ZFHX4: variants seen among roughly 807,000 people sequenced by gnomAD.
The protein encoded by ZFHX4 is zinc finger homeobox protein 4.
In ZFHX4, 56 loss-of-function variants were observed where a neutral mutation model predicts 267.6. The observed-to-expected ratio is 0.21, with a 90% CI of 0.17 to 0.26. The LOEUF (loss-of-function observed/expected upper bound fraction) is 0.26, where lower values mean the gene tolerates loss of function less well. ZFHX4 is among the 10% of genes least tolerant of loss of function. The pLI, the probability that ZFHX4 is intolerant of heterozygous loss-of-function variation, is 1.00. For missense variants in ZFHX4, 4,332 were observed against 4,420.0 expected (o/e 0.98, Z 0.56); for synonymous variants, 1,778 against 1,665.6 (o/e 1.07, Z -1.64).
At chr8:76,858,331 T>C (rs1225387465) in intron 10 of ZFHX4, among the ~76,000 whole-genome samples, 4 of 152,208 alleles carry the variant, frequency 2.6e-5, no homozygotes, top group African/African-American at 9.6e-5. Context: ...TGAGAAGATG[T>C]TGGAGGCAGT....
rs751430163 is a variant in ZFHX4 at position 76,855,067 on chromosome 8, T to C, written c.8146T>C (p.Ser2716Pro). 2 of 1,613,760 alleles carry C rather than the reference T, an allele frequency of 1.2e-6. No individual in the cohort carries two copies. Among genetic ancestry groups the C allele is most frequent in the Non-Finnish European group, 8.5e-7 (1 of 1,179,874 alleles). ...GYSLPPSPLISTEDGGESPQK... is the reference protein window; with the variant it reads ...GYSLPPSPLIPTEDGGESPQK... ...CAGCTTGCCACCAAGCCCTTTAATA[T>C]CCACCGAAGATGGGGGAGAAAGCCC... The change falls in exon 10 of 11, where the codon TCC becomes CCC. Residue 2716 changes from serine (S) to proline (P), a missense_variant. Coordinates refer to ENST00000651372, the MANE Select transcript of ZFHX4 (RefSeq NM_024721.5).
intron 4 of ZFHX4, among the ~76,000 whole-genome samples, chr8:76,827,159 G>A (rs1811807658): frequency 6.6e-6 from 1 of 152,238 alleles, no homozygotes; most frequent in Admixed American, 6.5e-5. Flanking sequence ...GGAGTGGTCA[G>A]GTGTAGATGG....
At position 76,706,192 on chromosome 8, in the gene ZFHX4, G is replaced by C. The variant is rs561714758; in HGVS notation, c.2104G>C (p.Glu702Gln). The change falls in exon 2 of 11, where the codon GAG (glutamate) becomes CAG (glutamine). Residue 702 changes from glutamate (E) to glutamine (Q), a missense_variant. Physicochemically the swap from Glu to Gln is conservative, Grantham distance 29. Around this residue, in one of 7 missense-constraint regions of ZFHX4, gnomAD observed 1,195 missense variants for 1,173.6 expected, o/e 1.02. Transcript: ENST00000651372. The stretch of plus-strand genomic sequence containing the variant: ...GTGTGGCTATAAACCCTTCCGTTGT[G>C]AGGTTTGTAACTACTCTACCACTAC... ...YTCGYKPFRC[E>Q]VCNYSTTTKG... 2.5e-6 allele frequency: 4 copies of C among 1,614,060 alleles called. No homozygotes were observed. The African/African-American group carries it at 4.0e-5, about 16-fold the overall frequency.
chr8:76,812,555 A>G (rs1181210485), intron 4 of ZFHX4, among the ~76,000 whole-genome samples: 1 of 152,226 alleles, frequency 6.6e-6, no homozygotes, highest in Non-Finnish European at 1.5e-5. Context: ...TATTAAGCCA[A>G]ATTTAAGAAA....
intron 4 of ZFHX4, among the ~76,000 whole-genome samples, chr8:76,813,701 G>A (rs1431837971): frequency 6.6e-6 from 1 of 152,064 alleles, no homozygotes; most frequent in African/African-American, 2.4e-5. Context: ...AACAATGGAT[G>A]TTCTCCTGGT....
Position 76,864,209 on chromosome 8 carries a change from C to T in ZFHX4, c.10495C>T (p.Pro3499Ser). 6.2e-7 allele frequency: 1 copy of T among 1,613,928 alleles called. No homozygotes were observed. Among genetic ancestry groups the T allele is most frequent in the Non-Finnish European group, 8.5e-7 (1 of 1,179,844 alleles). The stretch of plus-strand genomic sequence containing the variant: ...ACCTCACTCAGTCTGCTCCCCTAAT[C>T]CTAACACCACATCTACCTCGCAGTC... Reference protein sequence around the residue: ...LLPHSVCSPNPNTTSTSQSAA... With the variant: ...LLPHSVCSPNSNTTSTSQSAA... Residue 3499 changes from proline (P) to serine (S), a missense_variant, in exon 11 of 11, where the codon CCT (proline) becomes TCT (serine). Transcript: ENST00000651372.
intron 1 of ZFHX4, chr8:76,682,676 C>T (rs1425709720): frequency 2.6e-5 from 4 of 153,010 alleles, no homozygotes; most frequent in Admixed American, 2.0e-4. Flanking sequence ...GGGGTGTGTG[C>T]GTGTGCGTGT....
chr8:76,828,706 G>A (rs984202630), intron 4 of ZFHX4, among the ~76,000 whole-genome samples: 3 of 152,178 alleles, frequency 2.0e-5, no homozygotes, highest in Non-Finnish European at 4.4e-5. Flanking sequence ...TAGAGGGGTT[G>A]TGGTGTGAAG....
Position 76,850,367 on chromosome 8 carries a change from G to A in ZFHX4, c.3964+5G>A, listed in dbSNP as rs1446159475. 2 of 1,603,092 alleles carry A rather than the reference G, an allele frequency of 1.2e-6. No individual in the cohort carries two copies. Among genetic ancestry groups the A allele is most frequent in the East Asian group, 2.2e-5 (1 of 44,554 alleles). The stretch of plus-strand genomic sequence containing the variant: ...AGGGGTCTGGGAAATATTCAGGTAT[G>A]CCATCTTATCATCAAGACTTGTGAA... On this transcript the variant is annotated splice_donor_5th_base_variant and intron_variant, in intron 9 of 10. Transcript: ENST00000651372.
At chr8:76,845,593 A>T (rs1563554649) in intron 6 of ZFHX4, among the ~76,000 whole-genome samples, 1 of 152,024 alleles carries the variant, frequency 6.6e-6, no homozygotes, top group Non-Finnish European at 1.5e-5. Context: ...TATTAAATAC[A>T]TTGACTCATT....
chr8:76,791,922 C>T (rs1810848925), intron 4 of ZFHX4, among the ~76,000 whole-genome samples: 1 of 152,074 alleles, frequency 6.6e-6, no homozygotes, highest in African/African-American at 2.4e-5. Context: ...CATGAATATG[C>T]ATCATGATTT....
At chr8:76,717,963 C>A (rs762415791) in intron 3 of ZFHX4, among the ~76,000 whole-genome samples, 1 of 152,122 alleles carries the variant, frequency 6.6e-6, no homozygotes, top group Non-Finnish European at 1.5e-5. Flanking sequence ...TCTAACTATT[C>A]GTTTGGCAGG....
rs865892543 is a variant in ZFHX4, at chr8:76,850,198, T to C, written c.3847-47T>C. 1.3e-5 allele frequency: 18 copies of C among 1,417,724 alleles called. 1 individual carries two copies. In the Middle Eastern group the frequency reaches 1.9e-3, roughly 153 times the overall value. 87.8% of individuals were successfully genotyped at this position (1,417,724 alleles called of 1,614,324 possible). ...AGCAAAAGAGAGATGTGATGGAATT[T>C]GTGATTTCTGGGGTACATTTAACAT... On this transcript the variant is annotated intron_variant, in intron 8 of 10. Coordinates refer to ENST00000651372, the MANE Select transcript of ZFHX4 (RefSeq NM_024721.5).
intron 5 of ZFHX4, among the ~76,000 whole-genome samples, chr8:76,838,572 A>G (rs912210834): frequency 3.9e-5 from 6 of 152,160 alleles, no homozygotes; most frequent in South Asian, 2.1e-4. Flanking sequence ...ATCATGGAGG[A>G]GTCTAGGAAA....
Position 76,704,560 on chromosome 8 carries a change from A to G in ZFHX4, c.472A>G (p.Ser158Gly). 6.2e-7 allele frequency: 1 copy of G among 1,613,994 alleles called. No individual in the cohort carries two copies. Among genetic ancestry groups the G allele is most frequent in the African/African-American group, 1.3e-5 (1 of 75,058 alleles). ...GCAGAATGCACAGACTGGGGCAAAT[A>G]GCAAACTCTTTTCTACAGCGATGTT... ...SGQNAQTGAN[S>G]KLFSTAMFLD... Residue 158 changes from serine to glycine, a missense_variant, in exon 2 of 11, where the codon AGC (serine) becomes GGC (glycine). By Grantham distance (56) the Ser-to-Gly change is moderately conservative. Around this residue, in one of 7 missense-constraint regions of ZFHX4, gnomAD observed 1,195 missense variants for 1,173.6 expected, o/e 1.02. Transcript: ENST00000651372.
chr8:76,743,289 T>A (rs564606690), intron 3 of ZFHX4, among the ~76,000 whole-genome samples: 5 of 152,282 alleles, frequency 3.3e-5, no homozygotes, highest in Admixed American at 6.5e-5. Context: ...TAAGCTACCA[T>A]CACATGAATC....
Position 76,704,342 on chromosome 8 carries a change from G to A in ZFHX4, c.254G>A (p.Cys85Tyr), listed in dbSNP as rs2131604854. The A allele has an allele frequency of 6.2e-7, 1 of 1,614,008 alleles. No homozygotes were observed. Among genetic ancestry groups the A allele is most frequent in the Non-Finnish European group, 8.5e-7 (1 of 1,179,900 alleles). ...TSAKEIPCNECATSFPSLQKY... is the reference protein window; with the variant it reads ...TSAKEIPCNEYATSFPSLQKY... ...GCAAAGGAGATACCCTGCAACGAATGTGCCACTTCTTTTCCCAGTTTACAG... is the reference window on the plus strand; with the variant it reads ...GCAAAGGAGATACCCTGCAACGAATATGCCACTTCTTTTCCCAGTTTACAG... The change falls in exon 2 of 11, where the codon TGT (cysteine) becomes TAT (tyrosine). Residue 85 changes from cysteine (C) to tyrosine (Y), a missense_variant. Physicochemically the swap from Cys to Tyr is radical, Grantham distance 194. This residue lies in a region of ZFHX4 where 1,195 missense variants were observed against 1,173.6 expected (regional missense o/e 1.02). Coordinates refer to ENST00000651372, the MANE Select transcript of ZFHX4 (RefSeq NM_024721.5).
intron 1 of ZFHX4, among the ~76,000 whole-genome samples, chr8:76,682,167 T>A (rs1421173888): frequency 6.6e-6 from 1 of 152,084 alleles, no homozygotes; most frequent in Non-Finnish European, 1.5e-5. Flanking sequence ...GCACTCATCC[T>A]CTGAAAGTTT....
chr8:76,854,587 C>G lies in ZFHX4; in HGVS notation c.7666C>G (p.Leu2556Val). ...LMTGQLLGSS[L>V]TQMPPQASSS... ...GACTGGACAACTGCTGGGCAGTTCC[C>G]TCACTCAAATGCCCCCTCAGGCCAG... The change falls in exon 10 of 11, where the codon CTC (leucine) becomes GTC (valine). Residue 2556 changes from leucine to valine, a missense_variant. Transcript: ENST00000651372. 1.9e-6 allele frequency: 3 copies of G among 1,613,838 alleles called. No homozygotes were observed. The highest frequency in any genetic ancestry group is 2.5e-6 in the Non-Finnish European group (3 of 1,179,862).
Sources: allele counts gnomAD v4.1 joint callset (sites outside exome capture counted in the v4.1 genomes callset), GRCh38; gene constraint gnomAD v4.1.1; regional missense constraint gnomAD v4.1.1; transcripts MANE v1.5; gene names NCBI Gene and HGNC (gene_info 2026-07-23, HGNC 2026-07-21).